The following SOCS5 variants were observed in gnomAD, a reference collection of about 807,000 sequenced individuals.
SOCS5 encodes the protein suppressor of cytokine signaling 5.
SOCS5 carries 32 observed loss-of-function variants against 42.8 expected under a neutral mutation model. That is an observed-to-expected ratio of 0.75 (90% CI 0.56 to 1.01). The LOEUF is 1.01. SOCS5 is among the 50% of genes least tolerant of loss of function. The pLI is 0.00. For missense variants in SOCS5, 627 were observed against 653.0 expected (o/e 0.96, Z 0.43); for synonymous variants, 283 against 229.6 (o/e 1.23, Z -2.10).
intron 1 of SOCS5, among the ~76,000 whole-genome samples, chr2:46,719,788 C>T (rs1016771381): frequency 1.3e-5 from 2 of 152,090 alleles, no homozygotes; most frequent in African/African-American, 4.8e-5. Flanking sequence ...ATAGGTGTGT[C>T]CTTCAGGGAA....
rs1428300348 is a variant in SOCS5 at position 46,761,425 on chromosome 2, A to T, written c.*1284A>T. On this transcript the variant is annotated 3_prime_UTR_variant, in exon 2 of 2. Coordinates refer to ENST00000394861, the MANE Select transcript of SOCS5 (RefSeq NM_144949.3). ...GCTCTGTACCACTGGTGAGTGCTCC[A>T]TAGTTTCCTTACCTGCTGCTACAGA... The T allele has an allele frequency of 1.2e-5, 2 of 167,110 alleles. No individual in the cohort carries two copies. The highest frequency in any genetic ancestry group is 6.5e-5 in the Admixed American group (1 of 15,294). The allele number at this position is 167,110 out of a possible 1,614,324, so 10.4% of individuals were successfully genotyped here. A position where few individuals can be genotyped will look rare whatever the true frequency, so the allele number is the denominator to read the frequency against.
At chr2:46,751,543 TTATCTC>T (rs1490464301) in intron 1 of SOCS5, among the ~76,000 whole-genome samples, 8 of 152,118 alleles carry the variant, frequency 5.3e-5, no homozygotes, top group Admixed American at 5.2e-4. Flanking sequence ...TTAACAGTGA[TTATCTC>T]TAGGTGGTGG....
intron 1 of SOCS5, among the ~76,000 whole-genome samples, chr2:46,709,791 A>G (rs535079866): frequency 1.3e-5 from 2 of 152,348 alleles, no homozygotes; most frequent in African/African-American, 2.4e-5. Context: ...TTAAATAGCA[A>G]TTTAGGACTT....
intron 1 of SOCS5, among the ~76,000 whole-genome samples, chr2:46,748,310 T>G (rs937137183): frequency 4.0e-5 from 6 of 151,610 alleles, no homozygotes; most frequent in Admixed American, 1.3e-4. Flanking sequence ...CTCAGCCTCA[T>G]GAGTCGCTGG....
intron 1 of SOCS5, among the ~76,000 whole-genome samples, chr2:46,715,868 G>GT (rs1053217464): frequency 7.9e-5 from 12 of 151,882 alleles, no homozygotes; most frequent in Non-Finnish European, 1.3e-4. Flanking sequence ...CTATCTTGAA[G>GT]TTTTTTTTCT....
At chr2:46,705,267 T>G (rs1672436673) in intron 1 of SOCS5, among the ~76,000 whole-genome samples, 1 of 152,140 alleles carries the variant, frequency 6.6e-6, no homozygotes, top group African/African-American at 2.4e-5. Flanking sequence ...GTAAAATAAT[T>G]GAGCTTGGGA....
At chr2:46,734,225 A>G (rs1673191569) in intron 1 of SOCS5, among the ~76,000 whole-genome samples, 1 of 152,206 alleles carries the variant, frequency 6.6e-6, no homozygotes, top group Non-Finnish European at 1.5e-5. Flanking sequence ...ATTTACAAAA[A>G]TATTATACAG....
intron 1 of SOCS5, among the ~76,000 whole-genome samples, chr2:46,711,445 A>G (rs1041457072): frequency 6.6e-6 from 1 of 152,166 alleles, no homozygotes; most frequent in Non-Finnish European, 1.5e-5. Context: ...ATGTCTGTTC[A>G]AGGCATTAAC....
intron 1 of SOCS5, 78 bp from the exon 2 acceptor site, chr2:46,758,441 G>T: frequency 1.1e-6 from 1 of 919,410 alleles, no homozygotes; most frequent in South Asian, 1.7e-5. Flanking sequence ...GACGGGAAGG[G>T]GTGTGGGCAC....
intron 1 of SOCS5, among the ~76,000 whole-genome samples, chr2:46,756,157 G>A (rs967888736): frequency 4.6e-5 from 7 of 152,168 alleles, no homozygotes; most frequent in Admixed American, 6.5e-5. Context: ...GTGGTTTTAG[G>A]TTAGGTCACT....
intron 1 of SOCS5, among the ~76,000 whole-genome samples, chr2:46,714,016 C>G (rs1672685023): frequency 1.3e-5 from 2 of 152,118 alleles, no homozygotes; most frequent in African/African-American, 4.8e-5. Flanking sequence ...AACATACATA[C>G]TCTTAATAAC....
chr2:46,723,396 A>T (rs572181978), intron 1 of SOCS5, among the ~76,000 whole-genome samples: 1 of 152,134 alleles, frequency 6.6e-6, no homozygotes, highest in East Asian at 1.9e-4. Context: ...CATGTTCTGA[A>T]AGTTTTATAG....
At chr2:46,723,737 A>G (rs1672933860) in intron 1 of SOCS5, among the ~76,000 whole-genome samples, 1 of 152,026 alleles carries the variant, frequency 6.6e-6, no homozygotes, top group South Asian at 2.1e-4. Flanking sequence ...TTCCTCATCA[A>G]AATTATTTGG....
At position 46,715,732 on chromosome 2, in the gene SOCS5, C is replaced by T. The variant is rs965042676; in HGVS notation, c.-13+16283C>T. Among the ~76,000 whole-genome samples, 5 of 152,068 alleles carry T rather than the reference C, an allele frequency of 3.3e-5. No individual in the cohort carries two copies. In the East Asian group the frequency reaches 7.7e-4, roughly 23 times the overall value. On this transcript the variant is annotated intron_variant, in intron 1 of 1. Transcript: ENST00000394861. ...TTTCCTTTGGCTGCTTTTAAGATTT[C>T]GTTTGTATCACTGATTGACAGCAAC...
intron 1 of SOCS5, among the ~76,000 whole-genome samples, chr2:46,740,009 A>C (rs992669302): frequency 6.6e-6 from 1 of 152,234 alleles, no homozygotes; most frequent in African/African-American, 2.4e-5. Context: ...TATCTGTAGA[A>C]TACTTGTTAA....
chr2:46,706,212 G>C (rs1015967523), intron 1 of SOCS5, among the ~76,000 whole-genome samples: 14 of 152,182 alleles, frequency 9.2e-5, no homozygotes, highest in African/African-American at 3.4e-4. Context: ...CAGAAAGGTA[G>C]GTGGCATTAT....
At chr2:46,705,914 A>G (rs1050231388) in intron 1 of SOCS5, among the ~76,000 whole-genome samples, 3 of 152,222 alleles carry the variant, frequency 2.0e-5, no homozygotes, top group African/African-American at 7.2e-5. Flanking sequence ...GTGGCACAGA[A>G]CAAGATAATG....
chr2:46,743,417 G>A (rs568590017), intron 1 of SOCS5, among the ~76,000 whole-genome samples: 2 of 152,260 alleles, frequency 1.3e-5, no homozygotes, highest in African/African-American at 4.8e-5. Context: ...GACCATATGG[G>A]GTAACTTCCT....
chr2:46,756,547 T>G lies in SOCS5; in HGVS notation c.-12-1972T>G, dbSNP rs137912072. ...ACATCAGTAATGTTCAATACAAATA[T>G]AACCTGAATCACATATGTTACTTTT... On this transcript the variant is annotated intron_variant, in intron 1 of 1. Coordinates refer to ENST00000394861, the MANE Select transcript of SOCS5 (RefSeq NM_144949.3). Among the ~76,000 whole-genome samples the G allele has an allele frequency of 5.0e-3, 761 of 152,350 alleles. 6 individuals are homozygous for G. Among genetic ancestry groups the G allele is most frequent in the Admixed American group, 0.01 (153 of 15,300 alleles).
Sources: allele counts gnomAD v4.1 joint callset (sites outside exome capture counted in the v4.1 genomes callset), GRCh38; gene constraint gnomAD v4.1.1; transcripts MANE v1.5; gene names NCBI Gene and HGNC (gene_info 2026-07-23, HGNC 2026-07-21).